Variants in ARMCX4 observed in about 807,000 individuals in gnomAD.
ARMCX4 encodes armadillo repeat-containing X-linked protein 4.
ARMCX4 carries 3 observed loss-of-function variants against 34.7 expected under a neutral mutation model. That is an observed-to-expected ratio of 0.09 (90% CI 0.04 to 0.22). ARMCX4 has a LOEUF of 0.22. Among genes scored for constraint, ARMCX4 ranks in the 10% least tolerant of loss-of-function variants. The pLI, the probability that ARMCX4 is intolerant of heterozygous loss-of-function variation, is 1.00. For synonymous variants in ARMCX4, 513 were observed against 632.8 expected (o/e 0.81, Z 2.84); for missense variants, 1,448 against 1,720.8 (o/e 0.84, Z 2.81).
intron 11 of ARMCX4, among the ~76,000 whole-genome samples, chrX:101,522,269 T>C (rs1023700069): frequency 9.0e-6 from 1 of 111,703 alleles, no homozygotes; most frequent in African/African-American, 3.2e-5. Context: ...ATAAAAATGC[T>C]TGTCTTAAGG....
At chrX:101,535,540 G>A (rs1379547672), downstream of ARMCX4, among the ~76,000 whole-genome samples, 1 of 111,827 alleles carries the variant, frequency 8.9e-6, no homozygotes, top group African/African-American at 3.2e-5. Context: ...AAATAAACAT[G>A]TGCATGTATA....
chrX:101,425,840 A>G lies in ARMCX4; in HGVS notation n.164+6840A>G, dbSNP rs1929586279. On this transcript the variant is annotated intron_variant and non_coding_transcript_variant, in intron 2 of 3. Transcript: ENST00000430461. ...AATTATTTATTTATTTATTTTTTTGAGACAGGGTCTCACGCTGTTGCCCAG... is the reference window on the plus strand; with the variant it reads ...AATTATTTATTTATTTATTTTTTTGGGACAGGGTCTCACGCTGTTGCCCAG... 2.7e-5 allele frequency among the ~76,000 whole-genome samples: 3 copies of G among 110,692 alleles called. No homozygotes were observed. In the Admixed American group the frequency reaches 2.9e-4, roughly 11 times the overall value.
chrX:101,527,033 T>C (rs1304029005), intron 11 of ARMCX4, among the ~76,000 whole-genome samples: 1 of 111,969 alleles, frequency 8.9e-6, no homozygotes, highest in Non-Finnish European at 1.9e-5. Flanking sequence ...ATATACATTC[T>C]TCTCAGCACC....
intron 2 of ARMCX4, among the ~76,000 whole-genome samples, chrX:101,432,651 T>C (rs782645376): frequency 9.3e-6 from 1 of 107,393 alleles, no homozygotes; most frequent in African/African-American, 3.4e-5. Flanking sequence ...CAGAGCGAGA[T>C]TCTGTCTCAA....
downstream of ARMCX4, among the ~76,000 whole-genome samples, chrX:101,500,514 G>A (rs6621081): frequency 0.1 from 11,066 of 110,774 alleles, 548 homozygotes; most frequent in East Asian, 0.21. Flanking sequence ...TCATATCTTC[G>A]TTTAATTCAC....
intron 2 of ARMCX4, among the ~76,000 whole-genome samples, chrX:101,433,144 T>TATGTATACATA (rs1930356227): frequency 1.0e-5 from 1 of 99,660 alleles, no homozygotes; most frequent in Admixed American, 1.1e-4. Flanking sequence ...GTATATATAC[T>TATGTATACATA]CACATATACA....
chrX:101,457,993 C>T (rs1351666001), intron 4 of ARMCX4, among the ~76,000 whole-genome samples: 1 of 110,737 alleles, frequency 9.0e-6, no homozygotes, highest in Non-Finnish European at 1.9e-5. Context: ...CCACCAGCTT[C>T]GGCCTCCCAA....
Position 101,492,303 on chromosome X carries a change from G to C in ARMCX4, c.3714G>C (p.Ala1238=). The change falls in exon 6 of 6, where the codon GCG becomes GCC. Residue 1238 remains alanine, a synonymous_variant. Transcript: ENST00000423738. ...GNQAIGELWA[A]GQASDGSWPG... ...AGGCCATTGGAGAGCTTTGGGCTGC[G>C]GGTCAGGCCAGTGATGGGTCCTGGC... 2 of 1,146,476 alleles carry C rather than the reference G, an allele frequency of 1.7e-6. No individual in the cohort carries two copies. The highest frequency in any genetic ancestry group is 2.3e-6 in the Non-Finnish European group (2 of 867,906). The allele number at this position is 1,146,476 out of a possible 1,213,427, so 94.5% of individuals were successfully genotyped here. A position where few individuals can be genotyped will look rare whatever the true frequency, so the allele number is the denominator to read the frequency against.
intron 11 of ARMCX4, among the ~76,000 whole-genome samples, chrX:101,517,272 A>G (rs1556018192): frequency 2.7e-5 from 3 of 112,662 alleles, no homozygotes; most frequent in Non-Finnish European, 5.6e-5. Flanking sequence ...TATGGGCTAA[A>G]TAAATAATAT....
chrX:101,438,478 T>A (rs1243350467), intron 2 of ARMCX4, among the ~76,000 whole-genome samples: 1 of 110,914 alleles, frequency 9.0e-6, no homozygotes, highest in African/African-American at 3.3e-5. Context: ...GGCAGGAGAA[T>A]GGCGTGAACC....
chrX:101,425,415 C>G (rs1326678044), intron 2 of ARMCX4, among the ~76,000 whole-genome samples: 1 of 95,999 alleles, frequency 1.0e-5, no homozygotes, highest in Non-Finnish European at 2.0e-5. Flanking sequence ...TTTTTTGAGA[C>G]GGAGTTTCAC....
At position 101,492,662 on chromosome X, in the gene ARMCX4, A is replaced by G; in HGVS notation, c.4073A>G (p.Asp1358Gly). ...SSGRSWADTA[D>G]QASGGSRLGH... ...GGAAGGTCTTGGGCTGACACTGCAG[A>G]CCAAGCCAGTGGAGGGTCTAGGCTG... Residue 1358 changes from aspartate to glycine, a missense_variant, in exon 6 of 6, where the codon GAC becomes GGC. Around this residue, in one of 2 missense-constraint regions of ARMCX4, gnomAD observed 1,343 missense variants for 1,540.7 expected, o/e 0.87. Coordinates refer to ENST00000423738, the MANE Select transcript of ARMCX4 (RefSeq NM_001256155.3). 1 of 1,130,815 alleles carries G rather than the reference A, an allele frequency of 8.8e-7. No individual in the cohort carries two copies. Among genetic ancestry groups the G allele is most frequent in the Non-Finnish European group, 1.2e-6 (1 of 859,509 alleles). The allele number at this position is 1,130,815 out of a possible 1,213,427, so 93.2% of individuals were successfully genotyped here. A position where few individuals can be genotyped will look rare whatever the true frequency, so the allele number is the denominator to read the frequency against.
intron 4 of ARMCX4, among the ~76,000 whole-genome samples, chrX:101,462,573 G>A (rs1294399117): frequency 9.5e-6 from 1 of 105,661 alleles, no homozygotes; most frequent in Non-Finnish European, 1.9e-5. Flanking sequence ...CAGGGAGTTG[G>A]AGGTTGCAGT....
chrX:101,491,805 C>A lies in ARMCX4; in HGVS notation c.3216C>A (p.Pro1072=). The change falls in exon 6 of 6, where the codon CCC becomes CCA. Residue 1072 remains proline (P), a synonymous_variant. Coordinates refer to ENST00000423738, the MANE Select transcript of ARMCX4 (RefSeq NM_001256155.3). ...AYAKPEAEAM[P]TSESEGGSGT... is the part of the protein sequence containing the mutation. The stretch of plus-strand genomic sequence containing the variant: ...CAAAGCCTGAGGCTGAGGCCATGCC[C>A]ACTTCTGAGAGTGAGGGTGGGTCAG... The A allele has an allele frequency of 8.6e-7, 1 of 1,156,505 alleles. No homozygotes were observed. Among genetic ancestry groups the A allele is most frequent in the Non-Finnish European group, 1.1e-6 (1 of 873,007 alleles).
intron 2 of ARMCX4, among the ~76,000 whole-genome samples, chrX:101,437,197 T>C (rs1254090452): frequency 1.8e-5 from 2 of 112,017 alleles, no homozygotes; most frequent in Non-Finnish European, 3.8e-5. Flanking sequence ...TTTCTACTGA[T>C]TGGAATAGTT....
rs1934163295 is a variant in ARMCX4, at chrX:101,495,757, G to T, written c.*295G>T. 5.0e-6 allele frequency: 1 copy of T among 201,442 alleles called. No individual in the cohort carries two copies. The highest frequency in any genetic ancestry group is 9.3e-6 in the Non-Finnish European group (1 of 107,032). The allele number at this position is 201,442 out of a possible 1,213,427, so 16.6% of individuals were successfully genotyped here. A position where few individuals can be genotyped will look rare whatever the true frequency, so the allele number is the denominator to read the frequency against. On this transcript the variant is annotated 3_prime_UTR_variant, in exon 6 of 6. Coordinates refer to ENST00000423738, the MANE Select transcript of ARMCX4 (RefSeq NM_001256155.3). ...TGTGGACTTATGTTTATACATTTAA[G>T]ACTATTTTTATGTCATCAATAAAGT...
At chrX:101,506,422 T>G (rs1309497257) in intron 8 of ARMCX4, among the ~76,000 whole-genome samples, 4 of 111,263 alleles carry the variant, frequency 3.6e-5, no homozygotes, top group Non-Finnish European at 7.5e-5. Context: ...GAGTCCAAGA[T>G]CAAAATGCCA....
chrX:101,499,329 T>C (rs1934246794), downstream of ARMCX4: 1 of 111,597 alleles, frequency 9.0e-6, no homozygotes, highest in Admixed American at 9.5e-5. Flanking sequence ...AGAGTTGCCA[T>C]AGAAGATGGC....
chrX:101,427,908 A>G (rs1459892603), intron 2 of ARMCX4, among the ~76,000 whole-genome samples: 1 of 111,382 alleles, frequency 9.0e-6, no homozygotes, highest in Non-Finnish European at 1.9e-5. Flanking sequence ...TGACCCAAAC[A>G]CCTTCCATTA....
Sources: gnomAD v4.1 joint callset for allele counts (sites outside exome capture counted in the v4.1 genomes callset) on GRCh38, gnomAD v4.1.1 for gene constraint, gnomAD v4.1.1 regional missense constraint, MANE v1.5 for transcripts, NCBI Gene and HGNC (gene_info 2026-07-23, HGNC 2026-07-21) for gene names.